The following PI4K2B variants were observed in gnomAD, a reference collection of about 807,000 sequenced individuals.
PI4K2B encodes phosphatidylinositol 4-kinase type 2-beta.
PI4K2B carries 46 observed loss-of-function variants against 56.6 expected under a neutral mutation model. That is an observed-to-expected ratio of 0.81 (90% CI 0.64 to 1.04). The LOEUF is 1.04. PI4K2B is among the 50% of genes least tolerant of loss of function. The probability of loss-of-function intolerance (pLI) is 0.00; values close to 1 mark genes in which losing one functional copy is unlikely to be tolerated. For synonymous variants in PI4K2B, 211 were observed against 223.8 expected, an observed-to-expected ratio of 0.94 and a Z score of 0.51; for missense variants, 556 against 607.7, an observed-to-expected ratio of 0.91 and a Z score of 0.89.
intron 1 of PI4K2B, among the ~76,000 whole-genome samples, chr4:25,243,531 A>G (rs1166276049): frequency 6.6e-6 from 1 of 152,038 alleles, no homozygotes; most frequent in Non-Finnish European, 1.5e-5. Flanking sequence ...TTTGGTCCCT[A>G]TTATAGAACA....
At chr4:25,261,888 T>C (rs1218844614) in intron 6 of PI4K2B, among the ~76,000 whole-genome samples, 2 of 152,330 alleles carry the variant, frequency 1.3e-5, no homozygotes, top group Admixed American at 6.5e-5. Flanking sequence ...AGGAAGTTAA[T>C]TGTGTATAAA....
intron 1 of PI4K2B, among the ~76,000 whole-genome samples, chr4:25,244,201 C>A (rs144629176): frequency 6.6e-6 from 1 of 152,136 alleles, no homozygotes; most frequent in Non-Finnish European, 1.5e-5. Context: ...TTCCCCTCCC[C>A]CTACAGCTTG....
At chr4:25,269,341 A>AAG in intron 9 of PI4K2B, 138 bp downstream of exon 9, 2 of 579,402 alleles carry the variant, frequency 3.5e-6, no homozygotes, top group South Asian at 2.3e-5. Context: ...GATTATTAGA[A>AAG]ATGAAGTTGA....
At chr4:25,237,852 A>G (rs1406046390) in intron 1 of PI4K2B, among the ~76,000 whole-genome samples, 2 of 152,028 alleles carry the variant, frequency 1.3e-5, no homozygotes, top group East Asian at 3.9e-4. Context: ...GCACCACTAT[A>G]CTCCAGCCTG....
intron 3 of PI4K2B, among the ~76,000 whole-genome samples, chr4:25,256,111 T>C (rs1009791996): frequency 1.3e-5 from 2 of 152,176 alleles, no homozygotes; most frequent in Non-Finnish European, 2.9e-5. Context: ...AGAGATGGAA[T>C]TTCTCCATGT....
At chr4:25,248,793 T>C (rs1445734013) in intron 1 of PI4K2B, among the ~76,000 whole-genome samples, 1 of 151,536 alleles carries the variant, frequency 6.6e-6, no homozygotes, top group Non-Finnish European at 1.5e-5. Flanking sequence ...TAGGAAAATC[T>C]TTTATTTTTA....
At position 25,234,421 on chromosome 4, in the gene PI4K2B, C is replaced by A; in HGVS notation, c.258C>A (p.Pro86=). ...CCGCCGAGCTGGACCGGAGCCGCCC[C>A]GCGGTTTCAGGTGCGACCCGGCCCT... ...SSSAELDRSR[P]AVSVTIGTSE... is the part of the protein sequence containing the mutation. Residue 86 remains proline (P), a synonymous_variant, in exon 1 of 10, where the codon CCC becomes CCA. Coordinates refer to ENST00000264864, the MANE Select transcript of PI4K2B (RefSeq NM_018323.4). The A allele has an allele frequency of 3.0e-6, 4 of 1,351,310 alleles. No individual in the cohort carries two copies. Among genetic ancestry groups the A allele is most frequent in the Non-Finnish European group, 2.9e-6 (3 of 1,050,616 alleles). The allele number at this position is 1,351,310 out of a possible 1,614,324, so 83.7% of individuals were successfully genotyped here.
intron 9 of PI4K2B, chr4:25,276,773 A>AT (rs1307354947): frequency 1.0e-6 from 1 of 984,976 alleles, no homozygotes; most frequent in African/African-American, 1.8e-5. Context: ...TAAACTTACC[A>AT]TCTGGCAAAA....
At chr4:25,248,716 G>A (rs1233513047) in intron 1 of PI4K2B, among the ~76,000 whole-genome samples, 2 of 151,836 alleles carry the variant, frequency 1.3e-5, no homozygotes, top group Non-Finnish European at 2.9e-5. Context: ...TTGTTAACAT[G>A]TACATTAAAA....
intron 1 of PI4K2B, among the ~76,000 whole-genome samples, chr4:25,235,511 TAAATC>T (rs1307926304): frequency 6.6e-6 from 1 of 152,190 alleles, no homozygotes; most frequent in African/African-American, 2.4e-5. Flanking sequence ...CTAGAGTAAA[TAAATC>T]AGAGAATCCC....
In PI4K2B at chr4:25,277,585, G is replaced by C. The variant is rs1040910494; in HGVS notation, c.*398G>C. On this transcript the variant is annotated 3_prime_UTR_variant, in exon 10 of 10. Transcript: ENST00000264864. Reference sequence around the variant, plus strand: ...TTTGAGGATGCCTACGTCTGAAATTGCTCTTACGAACTTTAATAAAATAGT... The same window carrying C: ...TTTGAGGATGCCTACGTCTGAAATTCCTCTTACGAACTTTAATAAAATAGT... 1.3e-5 allele frequency: 2 copies of C among 153,714 alleles called. No individual in the cohort carries two copies. Among genetic ancestry groups the C allele is most frequent in the African/African-American group, 4.8e-5 (2 of 41,486 alleles). The allele number at this position is 153,714 out of a possible 1,614,324, so 9.5% of individuals were successfully genotyped here. A position where few individuals can be genotyped will look rare whatever the true frequency, so the allele number is the denominator to read the frequency against.
In PI4K2B at chr4:25,254,626, G is replaced by A. The variant is rs182822554; in HGVS notation, c.424-439G>A. Reference sequence around the variant, plus strand: ...GATGGGGTTTCACCATGTTAGCCAGGATGGTCTCGATCTCCTGACCTCATG... The same window carrying A: ...GATGGGGTTTCACCATGTTAGCCAGAATGGTCTCGATCTCCTGACCTCATG... On this transcript the variant is annotated intron_variant, in intron 2 of 9. Transcript: ENST00000264864. Among the ~76,000 whole-genome samples, 898 of 152,184 alleles carry A rather than the reference G, an allele frequency of 5.9e-3. 8 individuals are homozygous for A. Among genetic ancestry groups the A allele is most frequent in the African/African-American group, 0.021 (870 of 41,508 alleles).
At chr4:25,256,500 A>G (rs1716268486) in intron 3 of PI4K2B, 43 bp from the exon 4 acceptor site, 5 of 1,582,980 alleles carry the variant, frequency 3.2e-6, no homozygotes, top group Admixed American at 1.8e-5. Context: ...AAGAGATACT[A>G]TAATGCAAAT....
intron 9 of PI4K2B, 184 bp from the exon 10 acceptor site, chr4:25,276,830 T>C (rs1379500658): frequency 5.1e-6 from 5 of 981,186 alleles, no homozygotes; most frequent in Admixed American, 6.2e-5. Context: ...CGTGTGTGTG[T>C]GCGCGTGTGT....
intron 2 of PI4K2B, 113 bp downstream of exon 2, chr4:25,252,588 C>A: frequency 1.2e-6 from 1 of 820,900 alleles, no homozygotes; most frequent in East Asian, 2.5e-5. Context: ...TGATTGTAAC[C>A]TCTTTTCCAA....
At chr4:25,240,672 T>C (rs1303615649) in intron 1 of PI4K2B, among the ~76,000 whole-genome samples, 2 of 152,180 alleles carry the variant, frequency 1.3e-5, no homozygotes, top group Admixed American at 1.3e-4. Flanking sequence ...CTTGGCTGGG[T>C]AGACAGAAAT....
Position 25,234,353 on chromosome 4 carries a change from C to T in PI4K2B, c.190C>T (p.Leu64=). 7.1e-7 allele frequency: 1 copy of T among 1,410,544 alleles called. No homozygotes were observed. Among genetic ancestry groups the T allele is most frequent in the South Asian group, 1.5e-5 (1 of 68,472 alleles). 87.4% of individuals were successfully genotyped at this position (1,410,544 alleles called of 1,614,324 possible). A position where few individuals can be genotyped will look rare whatever the true frequency, so the allele number is the denominator to read the frequency against. Residue 64 remains leucine, a synonymous_variant, in exon 1 of 10, where the codon CTG becomes TTG. Coordinates refer to ENST00000264864, the MANE Select transcript of PI4K2B (RefSeq NM_018323.4). Reference sequence around the variant, plus strand: ...GGAGGGCGAGGCCGGCGACGAGGAGCTGCCCCTCCCGCCCGGGGACGTGGG... The same window carrying T: ...GGAGGGCGAGGCCGGCGACGAGGAGTTGCCCCTCCCGCCCGGGGACGTGGG... ...GEEGEAGDEE[L]PLPPGDVGVS... is the part of the protein sequence containing the mutation.
rs758549297 is a variant in PI4K2B, at chr4:25,252,481, A to C, written c.423+6A>C. On this transcript the variant is annotated splice_donor_region_variant and intron_variant, in intron 2 of 9. Coordinates refer to ENST00000264864, the MANE Select transcript of PI4K2B (RefSeq NM_018323.4). ...TTGTGAAGGATCCTAAGAGGGTGAG[A>C]ATTTCACAGACCTATTATATGTAAT... The C allele has an allele frequency of 7.0e-6, 11 of 1,567,312 alleles. No individual in the cohort carries two copies. In the South Asian group the frequency reaches 1.2e-4, roughly 17 times the overall value.
In PI4K2B at chr4:25,277,775, A is replaced by AT. The variant is rs1363158628; in HGVS notation, c.*593dup. On this transcript the variant is annotated 3_prime_UTR_variant, in exon 10 of 10. Transcript: ENST00000264864. Reference sequence around the variant, plus strand: ...CATTTTGGTTTTTGTACTTGAGAATATTTTTGGTGAATTACTTTGTTGTAG... The same window carrying AT: ...CATTTTGGTTTTTGTACTTGAGAATATTTTTTGGTGAATTACTTTGTTGTAG... 2.0e-5 allele frequency: 3 copies of AT among 152,182 alleles called. No individual in the cohort carries two copies. The highest frequency in any genetic ancestry group is 4.4e-5 in the Non-Finnish European group (3 of 68,012). The allele number at this position is 152,182 out of a possible 1,614,324, so 9.4% of individuals were successfully genotyped here.
Sources: gnomAD v4.1 joint callset for allele counts (sites outside exome capture counted in the v4.1 genomes callset) on GRCh38, gnomAD v4.1.1 for gene constraint, MANE v1.5 for transcripts, NCBI Gene and HGNC (gene_info 2026-07-23, HGNC 2026-07-21) for gene names.